Variants in ANKS3 observed in about 807,000 individuals in gnomAD.
ANKS3 encodes the protein ankyrin repeat and SAM domain-containing protein 3.
In ANKS3, 62 loss-of-function variants were observed where a neutral mutation model predicts 80.7. The observed-to-expected ratio is 0.77, with a 90% CI of 0.63 to 0.95. The LOEUF (loss-of-function observed/expected upper bound fraction) is 0.95, where lower values mean the gene tolerates loss of function less well. Ranked by LOEUF, ANKS3 falls within the 40% of genes least tolerant of loss-of-function variation. The pLI is 0.00. For synonymous variants in ANKS3, 489 were observed against 355.3 expected, an observed-to-expected ratio of 1.38 and a Z score of -4.23; for missense variants, 1,150 against 883.6, an observed-to-expected ratio of 1.30 and a Z score of -3.82.
chr16:4,698,830 C>G lies in ANKS3; in HGVS notation c.1521G>C (p.Glu507Asp), dbSNP rs189258846. Residue 507 changes from glutamate (E) to aspartate (D), a missense_variant, in exon 13 of 18, where the codon GAG (glutamate) becomes GAC (aspartate). Coordinates refer to ENST00000304283, the MANE Select transcript of ANKS3 (RefSeq NM_133450.4). ...GCAGCTGGATGGCGAGCTCCTGCAT[C>G]TCAGCCTCCAGCCGGTCGGCGTAGG... ...ELAYADRLEA[E>D]MQELAIQLHK... 2 of 1,607,662 alleles carry G rather than the reference C, an allele frequency of 1.2e-6. No individual in the cohort carries two copies. The highest frequency in any genetic ancestry group is 1.7e-6 in the Non-Finnish European group (2 of 1,176,900).
chr16:4,711,190 G>A (rs1259450145), intron 7 of ANKS3, among the ~76,000 whole-genome samples: 1 of 127,114 alleles, frequency 7.9e-6, no homozygotes, highest in Non-Finnish European at 1.6e-5. Flanking sequence ...CTCAACCTCT[G>A]CCTCCCGGGT....
chr16:4,702,228 G>T lies in ANKS3; in HGVS notation c.883C>A (p.Arg295Ser). 6.3e-7 allele frequency: 1 copy of T among 1,583,440 alleles called. No individual in the cohort carries two copies. Among genetic ancestry groups the T allele is most frequent in the South Asian group, 1.1e-5 (1 of 87,988 alleles). Residue 295 changes from arginine to serine, a missense_variant, in exon 9 of 18, where the codon CGT becomes AGT. Coordinates refer to ENST00000304283, the MANE Select transcript of ANKS3 (RefSeq NM_133450.4). The stretch of plus-strand genomic sequence containing the variant: ...CTGCTGTTGAAGGTGACATAGCCAC[G>T]GGGAGGAGCCTGCTCTGTGTACAGA... ...PRPRYEQAPPRGYVTFNSSGE... is the reference protein window; with the variant it reads ...PRPRYEQAPPSGYVTFNSSGE...
At chr16:4,728,865 A>G (rs1019393629) in intron 3 of ANKS3, among the ~76,000 whole-genome samples, 2 of 152,190 alleles carry the variant, frequency 1.3e-5, no homozygotes, top group African/African-American at 4.8e-5. Flanking sequence ...AGGGAGCGCA[A>G]CAGACCACCC....
chr16:4,698,630 G>C (rs1267623105), intron 13 of ANKS3, 31 bp from the exon 14 acceptor site: 1 of 1,537,056 alleles, frequency 6.5e-7, no homozygotes, highest in African/African-American at 1.4e-5. Context: ...CGGGGAGGCT[G>C]GGAGGTGGCC....
intron 8 of ANKS3, 151 bp from the exon 9 acceptor site, chr16:4,702,393 G>T: frequency 1.2e-6 from 1 of 855,048 alleles, no homozygotes; most frequent in Non-Finnish European, 1.6e-6. Flanking sequence ...TGGTGTGTGG[G>T]TGGAAAAGAT....
Position 4,701,104 on chromosome 16 carries a change from G to A in ANKS3, c.1150C>T (p.Arg384Cys), listed in dbSNP as rs145685232. 1.9e-5 allele frequency: 30 copies of A among 1,613,862 alleles called. No homozygotes were observed. Among genetic ancestry groups the A allele is most frequent in the Middle Eastern group, 1.6e-4 (1 of 6,084 alleles). ...TTCATGTAACTTTTAGCTTGTTTGCGAGCTGAGCTTTTACAGGCATGATCC... is the reference window on the plus strand; with the variant it reads ...TTCATGTAACTTTTAGCTTGTTTGCAAGCTGAGCTTTTACAGGCATGATCC... ...DSDHACKSSA[R>C]KQAKSYMKTK... Residue 384 changes from arginine to cysteine, a missense_variant, in exon 11 of 18, where the codon CGC becomes TGC. Transcript: ENST00000304283.
intron 3 of ANKS3, 23 bp downstream of exon 3, chr16:4,729,956 AG>A (rs760016847): frequency 1.4e-6 from 2 of 1,453,602 alleles, no homozygotes; most frequent in African/African-American, 2.9e-5. Context: ...AAAATGTGAG[AG>A]GAAGTTCCCC....
chr16:4,707,591 C>A (rs1046904502), intron 7 of ANKS3, among the ~76,000 whole-genome samples: 2 of 152,108 alleles, frequency 1.3e-5, no homozygotes, highest in Admixed American at 6.6e-5. Context: ...AAGGACACTT[C>A]TAATACTAAA....
rs771079511 is a variant in ANKS3, at chr16:4,724,771, G to T, written c.552C>A (p.Ile184=). ...TTACGTGATTCAGAAAATACTGCAC[G>T]ATTATCTCATGGCCAGCAGCAGCTG... The part of the protein sequence containing the change: ...MEAAAAGHEI[I]VQYFLNHGVK... Residue 184 remains isoleucine (I), a synonymous_variant, in exon 6 of 18, where the codon ATC becomes ATA. Transcript: ENST00000304283. 1 of 1,613,864 alleles carries T rather than the reference G, an allele frequency of 6.2e-7. No individual in the cohort carries two copies. Among genetic ancestry groups the T allele is most frequent in the Non-Finnish European group, 8.5e-7 (1 of 1,179,904 alleles).
At position 4,697,323 on chromosome 16, in the gene ANKS3, G is replaced by A. The variant is rs375779700; in HGVS notation, c.1894+10C>T. On this transcript the variant is annotated intron_variant, in intron 16 of 17. Coordinates refer to ENST00000304283, the MANE Select transcript of ANKS3 (RefSeq NM_133450.4). ...AGGAGCGCTCAGTCGTCTGGTCCCC[G>A]GAGACTCACCCATCTCACGGACACG... 5.8e-5 allele frequency: 93 copies of A among 1,597,966 alleles called. No individual in the cohort carries two copies. In the East Asian group the frequency reaches 8.3e-4, roughly 14 times the overall value.
At chr16:4,715,105 G>A (rs1596400637) in intron 6 of ANKS3, among the ~76,000 whole-genome samples, 6 of 150,832 alleles carry the variant, frequency 4.0e-5, no homozygotes, top group African/African-American at 1.5e-4. Flanking sequence ...TTCTGTTATT[G>A]CCATAGATGG....
At chr16:4,714,759 C>T (rs941347062) in intron 6 of ANKS3, among the ~76,000 whole-genome samples, 1 of 150,048 alleles carries the variant, frequency 6.7e-6, no homozygotes, top group African/African-American at 2.5e-5. Flanking sequence ...TTTGGGAGGC[C>T]GAGGTGGGCA....
intron 1 of ANKS3, among the ~76,000 whole-genome samples, chr16:4,732,259 C>T (rs770584190): frequency 5.9e-5 from 9 of 152,114 alleles, no homozygotes; most frequent in African/African-American, 2.2e-4. Flanking sequence ...CCCTGGCCAA[C>T]GAAGCCTGGA....
chr16:4,703,998 C>T (rs1465623742), intron 8 of ANKS3, among the ~76,000 whole-genome samples: 1 of 152,216 alleles, frequency 6.6e-6, no homozygotes, highest in African/African-American at 2.4e-5. Flanking sequence ...TGGCAGGGAC[C>T]TTTTGGAAGG....
chr16:4,718,949 T>A (rs1270923870), intron 6 of ANKS3, among the ~76,000 whole-genome samples: 1 of 152,220 alleles, frequency 6.6e-6, no homozygotes, highest in East Asian at 1.9e-4. Flanking sequence ...AATTTACATT[T>A]AAATGATTCA....
At chr16:4,708,039 T>A (rs1042692997) in intron 7 of ANKS3, among the ~76,000 whole-genome samples, 2 of 151,954 alleles carry the variant, frequency 1.3e-5, no homozygotes, top group Non-Finnish European at 2.9e-5. Flanking sequence ...CGCTTGAACC[T>A]GGGAGGCAGA....
chr16:4,701,778 G>A (rs905381209), intron 9 of ANKS3: 7 of 512,662 alleles, frequency 1.4e-5, no homozygotes, highest in Admixed American at 7.1e-5. Context: ...CTTGGCACAC[G>A]GTGGGCACTA....
rs1376303118 is a variant in ANKS3 at position 4,726,016 on chromosome 16, C to G, written c.491+643G>C. 2.0e-5 allele frequency among the ~76,000 whole-genome samples: 3 copies of G among 149,878 alleles called. No homozygotes were observed. In the East Asian group the frequency reaches 5.9e-4, roughly 30 times the overall value. ...TTTGAGATGGAGTCTTGCTCTGTCA[C>G]CCAGGCTGGAGTGCAGTGGTGCAAT... On this transcript the variant is annotated intron_variant, in intron 5 of 17. Coordinates refer to ENST00000304283, the MANE Select transcript of ANKS3 (RefSeq NM_133450.4).
chr16:4,721,230 G>A lies in ANKS3; in HGVS notation c.573+3520C>T, dbSNP rs151281797. ...TGAGGCAGGAGAATGGTGTGAACCC[G>A]GAAGTCTGAGGTTGCAGTGAGCCGA... On this transcript the variant is annotated intron_variant, in intron 6 of 17. Transcript: ENST00000304283. Among the ~76,000 whole-genome samples the A allele has an allele frequency of 7.7e-3, 1,140 of 148,848 alleles. 13 individuals carry two copies. Among genetic ancestry groups the A allele is most frequent in the African/African-American group, 0.026 (1,077 of 40,762 alleles).
Sources: gnomAD v4.1 joint callset for allele counts (sites outside exome capture counted in the v4.1 genomes callset) on GRCh38, gnomAD v4.1.1 for gene constraint, MANE v1.5 for transcripts, NCBI Gene and HGNC (gene_info 2026-07-23, HGNC 2026-07-21) for gene names.